The following RORA variants were observed in gnomAD, a reference collection of about 807,000 sequenced individuals.
RORA encodes RAR related orphan receptor A, also known as nuclear receptor ROR-alpha.
Under a neutral mutation model 69.5 loss-of-function variants are expected in RORA, and 7 were observed. The observed-to-expected ratio is 0.10, with a 90% CI of 0.06 to 0.19. RORA has a LOEUF of 0.19. Ranked by LOEUF, RORA falls within the 10% of genes least tolerant of loss-of-function variation. The probability of loss-of-function intolerance (pLI) is 1.00; values close to 1 mark genes in which losing one functional copy is unlikely to be tolerated. For synonymous variants in RORA, 261 were observed against 240.8 expected (o/e 1.08, Z -0.78); for missense variants, 457 against 663.0 (o/e 0.69, Z 3.41).
intron 1 of RORA, among the ~76,000 whole-genome samples, chr15:61,013,891 A>T (rs1335204913): frequency 7.1e-6 from 1 of 141,780 alleles, no homozygotes; most frequent in South Asian, 2.2e-4. Context: ...TCACGCCATT[A>T]TCCTGCCTCA....
In RORA at chr15:60,803,948, C is replaced by T. The variant is rs117679956; in HGVS notation, c.167-125262G>A. Among the ~76,000 whole-genome samples, 52 of 152,220 alleles carry T rather than the reference C, an allele frequency of 3.4e-4. 1 individual carries two copies. The East Asian group carries it at 8.7e-3, about 25-fold the overall frequency. ...TTCTCTCTTTCACTGTCTCTCTCTTCCAAATATGTCAGGAAGAGACAAAGC... is the reference window on the plus strand; with the variant it reads ...TTCTCTCTTTCACTGTCTCTCTCTTTCAAATATGTCAGGAAGAGACAAAGC... On this transcript the variant is annotated intron_variant, in intron 1 of 10. Transcript: ENST00000335670.
At position 60,661,256 on chromosome 15, in the gene RORA, C is replaced by T. The variant is rs114950709; in HGVS notation, c.196+17401G>A. Among the ~76,000 whole-genome samples, 1,338 of 152,200 alleles carry T rather than the reference C, an allele frequency of 8.8e-3. 59 individuals carry two copies. In the East Asian group the frequency reaches 0.11, roughly 12 times the overall value. On this transcript the variant is annotated intron_variant, in intron 2 of 10. Coordinates refer to ENST00000335670, the MANE Select transcript of RORA (RefSeq NM_134261.3). ...GGTGCAGTTGCACAAGGCATGCAAT[C>T]GGATGTGCTGGGCCAGGCACAATCT...
intron 1 of RORA, among the ~76,000 whole-genome samples, chr15:60,703,603 A>G (rs2071017044): frequency 6.6e-6 from 1 of 152,212 alleles, no homozygotes; most frequent in South Asian, 2.1e-4. Flanking sequence ...TTTTACTACT[A>G]GAGCTAGGAG....
At chr15:60,978,108 C>A (rs72752802) in intron 1 of RORA, among the ~76,000 whole-genome samples, 44,913 of 151,152 alleles carry the variant, frequency 0.3, 7,580 homozygotes, top group East Asian at 0.58. Flanking sequence ...TACTTCACAT[C>A]TTCTTCAATC....
At chr15:60,819,769 A>ACACACACGCG (rs757674029) in intron 1 of RORA, among the ~76,000 whole-genome samples, 39 of 150,144 alleles carry the variant, frequency 2.6e-4, no homozygotes, top group Admixed American at 6.7e-4. Flanking sequence ...ACACACACAC[A>ACACACACGCG]CACACACACA....
At chr15:60,797,414 G>A (rs1025988541) in intron 1 of RORA, among the ~76,000 whole-genome samples, 1 of 152,152 alleles carries the variant, frequency 6.6e-6, no homozygotes, top group Admixed American at 6.5e-5. Flanking sequence ...GCCTTTCCAA[G>A]GGCCTGGGTT....
intron 1 of RORA, among the ~76,000 whole-genome samples, chr15:61,037,902 G>A (rs1426923585): frequency 6.6e-6 from 1 of 152,180 alleles, no homozygotes; most frequent in Non-Finnish European, 1.5e-5. Context: ...GCATGCCATT[G>A]TGAGAGATCA....
At chr15:60,514,942 C>G (rs945046800) in intron 3 of RORA, among the ~76,000 whole-genome samples, 185 bp from the exon 4 acceptor site, 1 of 152,140 alleles carries the variant, frequency 6.6e-6, no homozygotes, top group African/African-American at 2.4e-5. Context: ...AATTGATCCC[C>G]AGAGCCTAAT....
chr15:61,072,247 T>A (rs779774451), intron 1 of RORA, among the ~76,000 whole-genome samples: 2 of 152,034 alleles, frequency 1.3e-5, no homozygotes, highest in Non-Finnish European at 2.9e-5. Flanking sequence ...TGAGAAGACA[T>A]CATTACCTGT....
In RORA at chr15:60,497,419, A is replaced by G. The variant is rs201554058; in HGVS notation, c.*36T>C. The G allele has an allele frequency of 5.6e-6, 9 of 1,597,162 alleles. No individual in the cohort carries two copies. Among genetic ancestry groups the G allele is most frequent in the Non-Finnish European group, 7.7e-6 (9 of 1,166,080 alleles). The stretch of plus-strand genomic sequence containing the variant: ...TTTTTTGTTTGTTTTTCATGTTTGT[A>G]CTTCAGACATTCTAGAAGTGCTTAG... On this transcript the variant is annotated 3_prime_UTR_variant, in exon 11 of 11. Coordinates refer to ENST00000335670, the MANE Select transcript of RORA (RefSeq NM_134261.3).
At chr15:61,067,364 A>G (rs1006592042) in intron 1 of RORA, among the ~76,000 whole-genome samples, 6 of 152,064 alleles carry the variant, frequency 3.9e-5, no homozygotes, top group Non-Finnish European at 8.8e-5. Context: ...TCGGCCTCCC[A>G]AAGTGCTGGG....
intron 1 of RORA, among the ~76,000 whole-genome samples, chr15:61,003,216 T>C (rs1894802100): frequency 6.6e-6 from 1 of 152,010 alleles, no homozygotes; most frequent in Non-Finnish European, 1.5e-5. Flanking sequence ...ATCCATTATA[T>C]AGGCTATATA....
At chr15:60,947,234 G>T (rs1192819869) in intron 1 of RORA, among the ~76,000 whole-genome samples, 2 of 151,698 alleles carry the variant, frequency 1.3e-5, no homozygotes, top group Non-Finnish European at 1.5e-5. Context: ...TGACGATGGC[G>T]GTTTTGTCGA....
intron 1 of RORA, chr15:60,848,341 A>C (rs1009006851): frequency 2.0e-5 from 3 of 152,234 alleles, no homozygotes; most frequent in Non-Finnish European, 2.9e-5. Context: ...TGGGTTATCC[A>C]TGTGGGCCCC....
chr15:60,818,136 T>C (rs535712191), intron 1 of RORA, among the ~76,000 whole-genome samples: 2 of 152,204 alleles, frequency 1.3e-5, no homozygotes, highest in South Asian at 4.2e-4. Context: ...GATATTTGGA[T>C]GGGGAGAGAC....
chr15:60,847,149 T>C (rs1247788803), intron 1 of RORA, among the ~76,000 whole-genome samples: 1 of 152,190 alleles, frequency 6.6e-6, no homozygotes, highest in Non-Finnish European at 1.5e-5. Flanking sequence ...TTGTTTTCAG[T>C]AATATTAGTA....
At chr15:60,778,226 TGTTTG>T (rs917511920) in intron 1 of RORA, among the ~76,000 whole-genome samples, 1 of 32,716 alleles carries the variant, frequency 3.1e-5, no homozygotes, top group Non-Finnish European at 6.3e-5. Context: ...TTTTTGTTTT[TGTTTG>T]TTTGTTTGTT....
intron 1 of RORA, among the ~76,000 whole-genome samples, chr15:60,890,702 T>A (rs2073804424): frequency 6.6e-6 from 1 of 152,256 alleles, no homozygotes. Context: ...GGATTATAAA[T>A]AATTTAGCAT....
chr15:61,013,240 C>T (rs982403189), intron 1 of RORA, among the ~76,000 whole-genome samples: 1 of 152,220 alleles, frequency 6.6e-6, no homozygotes. Flanking sequence ...CCAAATCCAG[C>T]TCGTCACATC....
Sources: gnomAD v4.1 joint callset for allele counts (sites outside exome capture counted in the v4.1 genomes callset) on GRCh38, gnomAD v4.1.1 for gene constraint, MANE v1.5 for transcripts, NCBI Gene and HGNC (gene_info 2026-07-23, HGNC 2026-07-21) for gene names.